Variants in MCHR2 observed in about 807,000 individuals in gnomAD.
MCHR2 encodes melanin concentrating hormone receptor 2, also known as melanin-concentrating hormone receptor 2.
MCHR2 carries 15 observed loss-of-function variants against 24.8 expected under a neutral mutation model. That is an observed-to-expected ratio of 0.60 (90% CI 0.40 to 0.93). The LOEUF (loss-of-function observed/expected upper bound fraction) is 0.93. MCHR2 is among the 40% of genes least tolerant of loss of function. The probability of loss-of-function intolerance (pLI) is 0.00; values close to 1 mark genes in which losing one functional copy is unlikely to be tolerated. For synonymous variants in MCHR2, 151 were observed against 147.6 expected (o/e 1.02, Z -0.17); for missense variants, 386 against 408.7 (o/e 0.94, Z 0.48).
intron 1 of MCHR2, among the ~76,000 whole-genome samples, chr6:99,977,853 C>T (rs1472566537): frequency 6.6e-6 from 1 of 152,154 alleles, no homozygotes; most frequent in African/African-American, 2.4e-5. Flanking sequence ...CTAGCTAATT[C>T]AACCATAATA....
chr6:99,952,357 T>C (rs1342442535), intron 2 of MCHR2, among the ~76,000 whole-genome samples: 1 of 152,158 alleles, frequency 6.6e-6, no homozygotes, highest in South Asian at 2.1e-4. Flanking sequence ...TCCATCTTCC[T>C]TAAACATATT....
chr6:99,991,818 A>AAAAAAT (rs1349024329), intron 1 of MCHR2, among the ~76,000 whole-genome samples: 2 of 151,268 alleles, frequency 1.3e-5, no homozygotes, highest in Non-Finnish European at 3.0e-5. Flanking sequence ...CAAAAAAAAA[A>AAAAAAT]AAAAAAAAGA....
In MCHR2 at chr6:99,955,951, G is replaced by C; in HGVS notation, c.182+15C>G. ...AGTATGGAAGGAAAAAAAAAAAAAAGGAGCCATTCCTTACCTTATTATAGT... is the reference window on the plus strand; with the variant it reads ...AGTATGGAAGGAAAAAAAAAAAAAACGAGCCATTCCTTACCTTATTATAGT... On this transcript the variant is annotated intron_variant, in intron 2 of 5. Transcript: ENST00000281806. The C allele has an allele frequency of 6.8e-7, 1 of 1,461,856 alleles. No individual in the cohort carries two copies. 90.6% of individuals were successfully genotyped at this position (1,461,856 alleles called of 1,614,324 possible).
chr6:99,980,451 A>G (rs1218477341), intron 1 of MCHR2, among the ~76,000 whole-genome samples: 1 of 152,208 alleles, frequency 6.6e-6, no homozygotes, highest in Admixed American at 6.5e-5. Flanking sequence ...AGATAATTCT[A>G]TAGAACTATG....
intron 1 of MCHR2, among the ~76,000 whole-genome samples, chr6:99,975,509 C>T (rs962482991): frequency 4.6e-5 from 7 of 152,200 alleles, no homozygotes; most frequent in African/African-American, 1.7e-4. Flanking sequence ...ACTCCCTGAC[C>T]CCTTGCGCTT....
At chr6:99,927,982 A>T (rs1358802398) in intron 5 of MCHR2, among the ~76,000 whole-genome samples, 1 of 152,134 alleles carries the variant, frequency 6.6e-6, no homozygotes, top group Non-Finnish European at 1.5e-5. Context: ...TTTGTCATAG[A>T]TAGCTCTTAT....
intron 1 of MCHR2, among the ~76,000 whole-genome samples, chr6:99,973,177 A>G (rs867610258): frequency 2.6e-5 from 4 of 151,744 alleles, no homozygotes; most frequent in African/African-American, 4.8e-5. Context: ...AAAGTCTCCC[A>G]TTATTATTGT....
At chr6:99,990,398 TGTG>T (rs1414608267) in intron 1 of MCHR2, among the ~76,000 whole-genome samples, 5 of 152,170 alleles carry the variant, frequency 3.3e-5, no homozygotes, top group Admixed American at 1.3e-4. Flanking sequence ...TATGTGTGTG[TGTG>T]TATTCATTTA....
intron 1 of MCHR2, among the ~76,000 whole-genome samples, chr6:99,958,503 T>A (rs1284302077): frequency 6.6e-6 from 1 of 151,918 alleles, no homozygotes; most frequent in Non-Finnish European, 1.5e-5. Flanking sequence ...AAGACACAGA[T>A]GTTTAATAAA....
chr6:99,976,609 T>A (rs1775556473), intron 1 of MCHR2, among the ~76,000 whole-genome samples: 1 of 151,834 alleles, frequency 6.6e-6, no homozygotes. Flanking sequence ...CACATCTGTC[T>A]ACTTTCGTGG....
intron 4 of MCHR2, among the ~76,000 whole-genome samples, chr6:99,937,490 T>C (rs1371097055): frequency 6.6e-6 from 1 of 152,086 alleles, no homozygotes; most frequent in Non-Finnish European, 1.5e-5. Flanking sequence ...TTGGTGCTGT[T>C]AATGTGATGT....
In MCHR2 at chr6:99,953,103, C is replaced by CT. The variant is rs551346226; in HGVS notation, c.182+2862dup. On this transcript the variant is annotated intron_variant, in intron 2 of 5. Transcript: ENST00000281806. Reference sequence around the variant, plus strand: ...AAGAGTTCACATTGCCCATGTCTTCCTTTTTTACAACTTTGTCTCTGTATA... The same window carrying CT: ...AAGAGTTCACATTGCCCATGTCTTCCTTTTTTTACAACTTTGTCTCTGTATA... 5.3e-5 allele frequency among the ~76,000 whole-genome samples: 8 copies of CT among 152,172 alleles called. No homozygotes were observed. In the South Asian group the frequency reaches 1.5e-3, roughly 28 times the overall value.
chr6:99,930,171 C>T (rs1277573643), intron 5 of MCHR2, among the ~76,000 whole-genome samples: 3 of 152,226 alleles, frequency 2.0e-5, no homozygotes, highest in Non-Finnish European at 4.4e-5. Context: ...TTGGCCCTCA[C>T]TTTCTCCTGG....
rs1408766086 is a variant in MCHR2 at position 99,969,625 on chromosome 6, T to A, written c.-27-13451A>T. Among the ~76,000 whole-genome samples the A allele has an allele frequency of 5.3e-5, 8 of 151,986 alleles. No homozygotes were observed. The East Asian group carries it at 7.8e-4, about 15-fold the overall frequency. ...GGTTCATGTGCACAATGTGCAGGTC[T>A]GTTACATATGTATACATGTGCCATG... On this transcript the variant is annotated intron_variant, in intron 1 of 5. Transcript: ENST00000281806.
intron 1 of MCHR2, among the ~76,000 whole-genome samples, chr6:99,973,336 T>C (rs564172303): frequency 1.1e-3 from 170 of 152,138 alleles, no homozygotes; most frequent in African/African-American, 4.0e-3. Context: ...TTTGTCTCTT[T>C]TGATCTTTGT....
At chr6:99,928,858 G>T (rs975565574) in intron 5 of MCHR2, among the ~76,000 whole-genome samples, 1 of 152,124 alleles carries the variant, frequency 6.6e-6, no homozygotes, top group Non-Finnish European at 1.5e-5. Flanking sequence ...TCTGATTTTA[G>T]TTATTTCTTG....
At chr6:99,937,915 C>T (rs1774695933) in intron 4 of MCHR2, among the ~76,000 whole-genome samples, 1 of 151,692 alleles carries the variant, frequency 6.6e-6, no homozygotes, top group African/African-American at 2.4e-5. Context: ...TGTTTATTTC[C>T]TCATGGTTCA....
At chr6:99,991,698 T>A (rs1775879289) in intron 1 of MCHR2, among the ~76,000 whole-genome samples, 1 of 148,028 alleles carries the variant, frequency 6.8e-6, no homozygotes, top group African/African-American at 2.5e-5. Flanking sequence ...TCCCAGCTAC[T>A]CTGCAGGCTG....
At chr6:99,931,945 C>G (rs920995401) in intron 5 of MCHR2, among the ~76,000 whole-genome samples, 1 of 152,164 alleles carries the variant, frequency 6.6e-6, no homozygotes, top group Admixed American at 6.5e-5. Flanking sequence ...ACGCTGGGAG[C>G]TGTAGACCGG....
Sources: gnomAD v4.1 joint callset for allele counts (sites outside exome capture counted in the v4.1 genomes callset) on GRCh38, gnomAD v4.1.1 for gene constraint, MANE v1.5 for transcripts, NCBI Gene and HGNC (gene_info 2026-07-23, HGNC 2026-07-21) for gene names.